Variants in UGT1A10 observed in about 807,000 individuals in gnomAD.
UGT1A10 encodes the protein UDP glucuronosyltransferase family 1 member A10.
A neutral mutation model predicts 45.8 loss-of-function variants in UGT1A10; 49 were observed. That is an observed-to-expected ratio of 1.07 (90% confidence interval 0.85 to 1.36). The LOEUF (loss-of-function observed/expected upper bound fraction) is 1.36, where lower values mean the gene tolerates loss of function less well. Ranked by LOEUF, UGT1A10 falls within the 40% of genes most tolerant of loss-of-function variation. UGT1A10 has a pLI of 0.00. For synonymous variants in UGT1A10, 284 were observed against 249.7 expected (o/e 1.14, Z -1.29); for missense variants, 745 against 668.6 (o/e 1.11, Z -1.26).
At chr2:233,661,606 A>T (rs1330316154) in intron 1 of UGT1A10, among the ~76,000 whole-genome samples, 1 of 129,828 alleles carries the variant, frequency 7.7e-6, no homozygotes, top group Non-Finnish European at 1.7e-5. Context: ...GCATCACTGC[A>T]GTGAAGACTT....
chr2:233,751,617 G>A (rs1403670547), intron 1 of UGT1A10, among the ~76,000 whole-genome samples: 1 of 152,198 alleles, frequency 6.6e-6, no homozygotes, highest in African/African-American at 2.4e-5. Flanking sequence ...GGAGGTGATT[G>A]GATCATGTGT....
At chr2:233,682,683 C>T in intron 1 of UGT1A10, 2 of 1,613,862 alleles carry the variant, frequency 1.2e-6, no homozygotes, top group South Asian at 2.2e-5. Flanking sequence ...AGCCACACAT[C>T]AATTTGGTTG....
intron 1 of UGT1A10, among the ~76,000 whole-genome samples, chr2:233,698,921 G>A (rs959017341): frequency 2.6e-5 from 4 of 152,334 alleles, no homozygotes; most frequent in East Asian, 3.9e-4. Flanking sequence ...GGACGTGGCC[G>A]TCTCAGAGGG....
At chr2:233,760,403 A>G in intron 1 of UGT1A10, 1 of 1,614,240 alleles carries the variant, frequency 6.2e-7, no homozygotes, top group Non-Finnish European at 8.5e-7. Context: ...GATGGCAGCC[A>G]CTGGCTGAGC....
At position 233,637,086 on chromosome 2, in the gene UGT1A10, C is replaced by A. The variant is rs767239519; in HGVS notation, c.564C>A (p.Ser188=). The A allele has an allele frequency of 2.5e-6, 4 of 1,613,800 alleles. No homozygotes were observed. The highest frequency in any genetic ancestry group is 3.4e-6 in the Non-Finnish European group (4 of 1,179,868). The part of the protein sequence containing the change: ...EEGAQCPAPL[S]YVPNDLLGFS... ...GTGCACAGTGCCCTGCTCCTCTTTC[C>A]TATGTCCCCAATGATCTCTTAGGGT... The change falls in exon 1 of 5, where the codon TCC becomes TCA. Residue 188 remains serine, a synonymous_variant. Transcript: ENST00000344644.
intron 1 of UGT1A10, among the ~76,000 whole-genome samples, chr2:233,727,887 G>A (rs1352414906): frequency 2.0e-5 from 3 of 152,190 alleles, no homozygotes; most frequent in Non-Finnish European, 4.4e-5. Flanking sequence ...AGCAATGGCA[G>A]ACACGGCCAG....
In UGT1A10 at chr2:233,636,739, A is replaced by C. The variant is rs761034446; in HGVS notation, c.217A>C (p.Thr73Pro). 1 of 1,614,228 alleles carries C rather than the reference A, an allele frequency of 6.2e-7. No homozygotes were observed. Among genetic ancestry groups the C allele is most frequent in the South Asian group, 1.1e-5 (1 of 91,080 alleles). The part of the protein sequence containing the change: ...SWQLERSLNC[T>P]VKTYSTSYTL... ...GCAACTGGAAAGATCACTGAATTGC[A>C]CAGTGAAGACTTACTCAACCTCGTA... Residue 73 changes from threonine (T) to proline (P), a missense_variant, in exon 1 of 5, where the codon ACA (threonine) becomes CCA (proline). Physicochemically the swap from Thr to Pro is conservative, Grantham distance 38. Transcript: ENST00000344644.
At chr2:233,729,062 G>C in intron 1 of UGT1A10, 3 of 1,610,966 alleles carry the variant, frequency 1.9e-6, no homozygotes, top group South Asian at 2.2e-5. Context: ...TAATTAAGAT[G>C]AAGAAAGCAA....
chr2:233,671,802 G>A, intron 1 of UGT1A10: 1 of 1,379,998 alleles, frequency 7.2e-7, no homozygotes, highest in Non-Finnish European at 9.4e-7. Context: ...CATTGTCAGT[G>A]ACTGATTTTT....
intron 1 of UGT1A10, among the ~76,000 whole-genome samples, chr2:233,671,504 C>T (rs2074190665): frequency 6.6e-6 from 1 of 152,212 alleles, no homozygotes; most frequent in Non-Finnish European, 1.5e-5. Context: ...CATGAGTTGC[C>T]ATCTTCTCTG....
At chr2:233,729,564 T>A in intron 1 of UGT1A10, 2 of 1,614,164 alleles carry the variant, frequency 1.2e-6, no homozygotes. Flanking sequence ...CTACTTCCTT[T>A]GATGTGGTTT....
rs1699312675 is a variant in UGT1A10, at chr2:233,767,039, T to C, written c.861T>C (p.Phe287=). The change falls in exon 2 of 5, where the codon TTT becomes TTC. Residue 287 remains phenylalanine, a synonymous_variant. Transcript: ENST00000344644. ...AATTTTTCTTCTGGCTCTAGGAATT[T>C]GAAGCCTACATTAATGCTTCTGGAG... ...CHQGKPLPME[F]EAYINASGEH... 1 of 1,614,136 alleles carries C rather than the reference T, an allele frequency of 6.2e-7. No homozygotes were observed. The highest frequency in any genetic ancestry group is 1.1e-5 in the South Asian group (1 of 91,058).
At chr2:233,666,998 C>T (rs1406884647) in intron 1 of UGT1A10, among the ~76,000 whole-genome samples, 3 of 152,122 alleles carry the variant, frequency 2.0e-5, no homozygotes, top group Admixed American at 6.5e-5. Flanking sequence ...TTTATGGCTG[C>T]ATAGTATTCC....
At chr2:233,772,116 AAAC>A (rs1252124628) in intron 4 of UGT1A10, 143 bp from the exon 5 acceptor site, 49 of 1,530,818 alleles carry the variant, frequency 3.2e-5, no homozygotes, top group Middle Eastern at 2.3e-4. Context: ...CTGTATCTAA[AAAC>A]AACAACAACA....
At chr2:233,682,548 A>C in intron 1 of UGT1A10, 1 of 1,613,924 alleles carries the variant, frequency 6.2e-7, no homozygotes, top group Non-Finnish European at 8.5e-7. Context: ...ATGACTTTCA[A>C]GGAGAGAGTA....
chr2:233,752,290 C>T (rs1244302370), intron 1 of UGT1A10: 16 of 152,170 alleles, frequency 1.1e-4, no homozygotes, highest in Admixed American at 1.0e-3. Flanking sequence ...CTCACAGGGT[C>T]ATGCCTTTCC....
intron 1 of UGT1A10, among the ~76,000 whole-genome samples, chr2:233,641,943 C>T (rs751344788): frequency 3.3e-5 from 5 of 152,028 alleles, no homozygotes; most frequent in Non-Finnish European, 7.4e-5. Context: ...TTTCTTTATC[C>T]TTGACCTTTG....
intron 1 of UGT1A10, chr2:233,713,618 A>G (rs768642808): frequency 1.2e-6 from 2 of 1,613,968 alleles, no homozygotes; most frequent in Admixed American, 1.7e-5. Flanking sequence ...CATTCCTGCA[A>G]AGGGTCAAGA....
At chr2:233,706,564 T>A (rs2125604446) in intron 1 of UGT1A10, among the ~76,000 whole-genome samples, 1 of 152,250 alleles carries the variant, frequency 6.6e-6, no homozygotes, top group South Asian at 2.1e-4. Flanking sequence ...TCTCAAACCT[T>A]AGGGTAAGAG....
Sources: gnomAD v4.1 joint callset for allele counts (sites outside exome capture counted in the v4.1 genomes callset) on GRCh38, gnomAD v4.1.1 for gene constraint, MANE v1.5 for transcripts, NCBI Gene and HGNC (gene_info 2026-07-23, HGNC 2026-07-21) for gene names.